SVOP: variants seen among roughly 807,000 people sequenced by gnomAD.
The protein encoded by SVOP is synaptic vesicle 2-related protein.
In SVOP, 17 loss-of-function variants were observed where a neutral mutation model predicts 69.1. The ratio of observed to expected loss-of-function variants is 0.25; its 90% CI spans 0.17 to 0.37. SVOP has a LOEUF of 0.37. Among genes scored for constraint, SVOP ranks in the 10% least tolerant of loss-of-function variants. The pLI, the probability that SVOP is intolerant of heterozygous loss-of-function variation, is 1.00. For synonymous variants in SVOP, 238 were observed against 238.6 expected (o/e 1.00, Z 0.02); for missense variants, 435 against 597.5 (o/e 0.73, Z 2.84).
chr12:108,991,341 T>C (rs1202610552), intron 1 of SVOP, among the ~76,000 whole-genome samples: 1 of 152,060 alleles, frequency 6.6e-6, no homozygotes, highest in African/African-American at 2.4e-5. Context: ...GGCTCACGCC[T>C]CTAATCCCAG....
Position 108,930,409 on chromosome 12 carries a change from T to A in SVOP, c.1048+3786A>T. 1.3e-5 allele frequency among the ~76,000 whole-genome samples: 2 copies of A among 151,488 alleles called. 1 individual carries two copies. The highest frequency in any genetic ancestry group is 2.9e-5 in the Non-Finnish European group (2 of 67,970). On this transcript the variant is annotated intron_variant, in intron 11 of 15. Transcript: ENST00000610966. ...GGTTACAGCTCAGTGTTTGCCTTATTTGAATAGAGTTTGAACAGTTGATTG... is the reference window on the plus strand; with the variant it reads ...GGTTACAGCTCAGTGTTTGCCTTATATGAATAGAGTTTGAACAGTTGATTG...
intron 4 of SVOP, 65 bp from the exon 5 acceptor site, chr12:108,972,541 C>G: frequency 6.7e-7 from 1 of 1,481,984 alleles, no homozygotes; most frequent in South Asian, 1.2e-5. Flanking sequence ...AAGGGAACAA[C>G]AAACGGAAGT....
chr12:108,910,545 CAGAG>C lies in SVOP; in HGVS notation c.*1986_*1989del, dbSNP rs748286687. The C allele has an allele frequency of 1.2e-4, 19 of 152,346 alleles. No homozygotes were observed. The highest frequency in any genetic ancestry group is 1.1e-3 in the Admixed American group (17 of 15,302). 9.4% of individuals were successfully genotyped at this position (152,346 alleles called of 1,614,324 possible). A position where few individuals can be genotyped will look rare whatever the true frequency, so the allele number is the denominator to read the frequency against. On this transcript the variant is annotated 3_prime_UTR_variant, in exon 16 of 16. Coordinates refer to ENST00000610966, the MANE Select transcript of SVOP (RefSeq NM_018711.5). ...ACGTGGTTCAAGGAAATGTGGTTGTCAGAGAGAGACAGAGATCTGCCAAGCCATC... is the reference window on the plus strand; with the variant it reads ...ACGTGGTTCAAGGAAATGTGGTTGTCAGAGACAGAGATCTGCCAAGCCATC...
intron 1 of SVOP, among the ~76,000 whole-genome samples, chr12:108,984,653 C>T (rs927776505): frequency 1.1e-4 from 16 of 152,304 alleles, no homozygotes; most frequent in African/African-American, 3.4e-4. Flanking sequence ...TGCAATATGT[C>T]CTTCAAACTA....
intron 15 of SVOP, among the ~76,000 whole-genome samples, chr12:108,915,125 A>T (rs557954571): frequency 1.3e-5 from 2 of 150,788 alleles, no homozygotes; most frequent in Non-Finnish European, 3.0e-5. Flanking sequence ...GTGAGCTGAG[A>T]TCACACCACT....
At chr12:108,918,169 C>A in intron 13 of SVOP, 45 bp from the exon 14 acceptor site, 1 of 1,485,600 alleles carries the variant, frequency 6.7e-7, no homozygotes, top group Non-Finnish European at 9.1e-7. Flanking sequence ...TTTCTGTCTG[C>A]TTGTTTCAGC....
At chr12:108,981,526 C>T (rs1248739928) in intron 2 of SVOP, among the ~76,000 whole-genome samples, 1 of 144,340 alleles carries the variant, frequency 6.9e-6, no homozygotes, top group African/African-American at 2.4e-5. Context: ...CACAGCACCG[C>T]CTCAGAGTCA....
chr12:108,975,400 C>A (rs1454281650), intron 4 of SVOP, among the ~76,000 whole-genome samples: 1 of 152,194 alleles, frequency 6.6e-6, no homozygotes, highest in African/African-American at 2.4e-5. Context: ...AACCTCATAC[C>A]ACAAGAAAGT....
chr12:108,976,592 C>A (rs903309397), intron 4 of SVOP, among the ~76,000 whole-genome samples: 11 of 149,924 alleles, frequency 7.3e-5, no homozygotes, highest in African/African-American at 2.7e-4. Context: ...TCCAGCCTGG[C>A]CATTCCTCTC....
chr12:108,950,250 T>C (rs1288406484), intron 6 of SVOP, among the ~76,000 whole-genome samples: 2 of 151,356 alleles, frequency 1.3e-5, no homozygotes, highest in African/African-American at 4.9e-5. Flanking sequence ...TCTTTCTTTT[T>C]TTTTTTTTTG....
chr12:108,996,387 G>A (rs779982046), intron 1 of SVOP, among the ~76,000 whole-genome samples: 11 of 151,646 alleles, frequency 7.3e-5, no homozygotes, highest in Admixed American at 3.3e-4. Flanking sequence ...GTGAATCCTC[G>A]TCTTTACTAA....
chr12:109,018,907 G>C (rs2040382262), intron 1 of SVOP, among the ~76,000 whole-genome samples: 1 of 152,136 alleles, frequency 6.6e-6, no homozygotes, highest in South Asian at 2.1e-4. Context: ...TATGAATTAA[G>C]TACTGTTATG....
intron 2 of SVOP, 121 bp downstream of exon 2, chr12:108,983,480 C>G (rs1243499450): frequency 1.0e-5 from 4 of 398,002 alleles, no homozygotes; most frequent in African/African-American, 6.2e-5. Context: ...CTTCCAGCTC[C>G]ACCCCTTGGC....
At chr12:108,994,765 C>G (rs1566065030) in intron 1 of SVOP, among the ~76,000 whole-genome samples, 1 of 152,140 alleles carries the variant, frequency 6.6e-6, no homozygotes, top group Non-Finnish European at 1.5e-5. Context: ...CTCTTTGCAG[C>G]TTTGATTGTG....
At chr12:109,012,018 C>T (rs1044706985) in intron 1 of SVOP, among the ~76,000 whole-genome samples, 3 of 152,160 alleles carry the variant, frequency 2.0e-5, no homozygotes, top group African/African-American at 4.8e-5. Context: ...CGCAGTGGCT[C>T]ATGCCTCTAA....
chr12:108,968,483 A>ATT (rs2040059488), intron 5 of SVOP, among the ~76,000 whole-genome samples: 1 of 152,162 alleles, frequency 6.6e-6, no homozygotes, highest in Non-Finnish European at 1.5e-5. Flanking sequence ...GATTCAATGA[A>ATT]TGGTAGCTAT....
intron 1 of SVOP, among the ~76,000 whole-genome samples, chr12:109,016,787 G>A (rs2040369973): frequency 6.7e-6 from 1 of 149,752 alleles, no homozygotes; most frequent in Non-Finnish European, 1.5e-5. Context: ...CTGTCACTCA[G>A]GCTGGAGTGC....
At position 108,960,943 on chromosome 12, in the gene SVOP, C is replaced by A. The variant is rs912922451; in HGVS notation, c.558G>T (p.Gly186=). Reference sequence around the variant, plus strand: ...CTTACGACTGGGGAACTCCTCCGATCCCGAAGCCCACCAGGCCCCGGAGCA... The same window carrying A: ...CTTACGACTGGGGAACTCCTCCGATACCGAAGCCCACCAGGCCCCGGAGCA... ...ILVLRGLVGF[G]IGGVPQSVTL... The change falls in exon 6 of 16, where the codon GGG becomes GGT. Residue 186 remains glycine (G), a synonymous_variant. Coordinates refer to ENST00000610966, the MANE Select transcript of SVOP (RefSeq NM_018711.5). 6.5e-7 allele frequency: 1 copy of A among 1,537,114 alleles called. No individual in the cohort carries two copies. Among genetic ancestry groups the A allele is most frequent in the African/African-American group, 1.4e-5 (1 of 73,148 alleles).
intron 12 of SVOP, 50 bp downstream of exon 12, chr12:108,922,640 C>T (rs898163773): frequency 2.2e-6 from 3 of 1,388,072 alleles, no homozygotes; most frequent in Non-Finnish European, 3.0e-6. Flanking sequence ...GAACAATTGC[C>T]ATATTCCCAG....
Sources: allele counts gnomAD v4.1 joint callset (sites outside exome capture counted in the v4.1 genomes callset), GRCh38; gene constraint gnomAD v4.1.1; transcripts MANE v1.5; gene names NCBI Gene and HGNC (gene_info 2026-07-23, HGNC 2026-07-21).